DMD: variants seen among roughly 807,000 people sequenced by gnomAD.
DMD encodes mutant dystrophin.
DMD carries 63 observed loss-of-function variants against 330.1 expected under a neutral mutation model. That is an observed-to-expected ratio of 0.19 (90% CI 0.16 to 0.24). The LOEUF is 0.24. Among genes scored for constraint, DMD ranks in the 10% least tolerant of loss-of-function variants. The pLI is 1.00. For synonymous variants in DMD, 1,223 were observed against 959.8 expected (o/e 1.27, Z -5.07); for missense variants, 3,344 against 2,684.1 (o/e 1.25, Z -5.43).
chrX:31,897,454 G>A (rs1424653029), intron 47 of DMD, among the ~76,000 whole-genome samples: 1 of 99,653 alleles, frequency 1.0e-5, no homozygotes, highest in Non-Finnish European at 2.0e-5. Context: ...GGGATGGCTG[G>A]GTCAAATGGT....
chrX:33,074,961 T>C (rs148567835), intron 1 of DMD, among the ~76,000 whole-genome samples: 125 of 111,347 alleles, frequency 1.1e-3, no homozygotes, highest in African/African-American at 3.9e-3. Context: ...TCCCCAAAAC[T>C]CAACCGCGTT....
At chrX:32,439,900 T>G (rs1172457640) in intron 28 of DMD, among the ~76,000 whole-genome samples, 7 of 111,296 alleles carry the variant, frequency 6.3e-5, no homozygotes, top group Admixed American at 9.6e-5. Context: ...TTGTGGGCAT[T>G]GTGAGGGCCT....
chrX:32,687,825 A>C (rs2062991992), intron 9 of DMD, among the ~76,000 whole-genome samples: 1 of 111,384 alleles, frequency 9.0e-6, no homozygotes, highest in Non-Finnish European at 1.9e-5. Flanking sequence ...ACTGGTGAAC[A>C]AGGTAAGCAC....
At chrX:33,142,852 C>T (rs996669094) in intron 1 of DMD, among the ~76,000 whole-genome samples, 1 of 111,852 alleles carries the variant, frequency 8.9e-6, no homozygotes, top group Non-Finnish European at 1.9e-5. Context: ...AAAGCATAGG[C>T]TTTTATGTTT....
At chrX:32,463,291 G>T in intron 25 of DMD, 148 bp downstream of exon 25, 1 of 434,533 alleles carries the variant, frequency 2.3e-6, no homozygotes, top group Non-Finnish European at 3.7e-6. Flanking sequence ...AGATATGCTA[G>T]AAAAAAGATT....
At chrX:32,944,665 C>T (rs1454610827) in intron 2 of DMD, among the ~76,000 whole-genome samples, 4 of 105,967 alleles carry the variant, frequency 3.8e-5, no homozygotes, top group African/African-American at 1.1e-4. Flanking sequence ...AGTGCAGTGG[C>T]GAAATCTCAG....
intron 7 of DMD, among the ~76,000 whole-genome samples, chrX:32,736,233 T>G (rs2068461454): frequency 9.0e-6 from 1 of 111,365 alleles, no homozygotes; most frequent in Non-Finnish European, 1.9e-5. Context: ...CTCACACCAG[T>G]TAGAATGGCG....
intron 59 of DMD, among the ~76,000 whole-genome samples, chrX:31,451,201 TCTTC>T (rs778830672): frequency 2.8e-5 from 3 of 107,821 alleles, no homozygotes; most frequent in African/African-American, 1.0e-4. Flanking sequence ...TTTCTTTCTT[TCTTC>T]CTTTCTTTTT....
chrX:32,844,875 A>G lies in DMD; in HGVS notation c.187-15T>C. ...TTTTCTTTTGGCTGAGAACAAAACA[A>G]AAGAGTGTTCACTGACCAGCAGAGA... is the stretch of plus-strand genomic sequence containing the variant. On this transcript the variant is annotated splice_polypyrimidine_tract_variant and intron_variant, in intron 3 of 78. Transcript: ENST00000357033. 1 of 1,187,003 alleles carries G rather than the reference A, an allele frequency of 8.4e-7. No homozygotes were observed.
At chrX:32,708,483 G>T (rs2064889267) in intron 7 of DMD, among the ~76,000 whole-genome samples, 1 of 110,701 alleles carries the variant, frequency 9.0e-6, no homozygotes. Flanking sequence ...AAATAATTAG[G>T]GATGATGTTA....
At chrX:31,369,610 A>G (rs1445032382) in intron 60 of DMD, among the ~76,000 whole-genome samples, 1 of 111,493 alleles carries the variant, frequency 9.0e-6, no homozygotes, top group Non-Finnish European at 1.9e-5. Context: ...GTGGATTGGG[A>G]CAAAAGGAGG....
At chrX:31,266,159 CAAAAAAAAAAAAAA>C (rs1174153877) in intron 62 of DMD, among the ~76,000 whole-genome samples, 2 of 13,333 alleles carry the variant, frequency 1.5e-4, no homozygotes, top group Non-Finnish European at 2.4e-4. Flanking sequence ...TCCCGAAGGG[CAAAAAAAAAAAAAA>C]AAAAAAAAAA....
intron 17 of DMD, among the ~76,000 whole-genome samples, chrX:32,519,539 AG>A (rs1207352909): frequency 1.8e-5 from 2 of 111,609 alleles, no homozygotes; most frequent in African/African-American, 6.5e-5. Context: ...TAAAATAAAC[AG>A]GGAAGAATAA....
At chrX:31,642,452 G>C (rs781251828) in intron 54 of DMD, among the ~76,000 whole-genome samples, 3 of 111,911 alleles carry the variant, frequency 2.7e-5, no homozygotes, top group Non-Finnish European at 5.6e-5. Context: ...AACATTTGCT[G>C]TTTAGATGTT....
intron 30 of DMD, among the ~76,000 whole-genome samples, chrX:32,391,696 C>T (rs2098003810): frequency 9.0e-6 from 1 of 111,494 alleles, no homozygotes. Flanking sequence ...AGTAGGGATC[C>T]ATCTAGGTGC....
Position 32,628,258 on chromosome X carries a change from A to ATTTTTTTTTTTTTTTTT in DMD, c.1332-13822_1332-13806dup. ...TATCTCCATGAGTTCAGTTGTTTTA[A>ATTTTTTTTTTTTTTTTT]TTTTTTTTTTTTTTTTTTTTTTTTT... On this transcript the variant is annotated intron_variant, in intron 11 of 78. Transcript: ENST00000357033. 1.2e-3 allele frequency among the ~76,000 whole-genome samples: 19 copies of ATTTTTTTTTTTTTTTTT among 15,354 alleles called. 7 individuals carry two copies. The highest frequency in any genetic ancestry group is 1.7e-3 in the African/African-American group (7 of 4,099). 13.3% of individuals were successfully genotyped at this position (15,354 alleles called of 115,157 possible). A position where few individuals can be genotyped will look rare whatever the true frequency, so the allele number is the denominator to read the frequency against.
chrX:33,322,150 G>A (rs1810869461), intron 1 of DMD, among the ~76,000 whole-genome samples: 1 of 111,228 alleles, frequency 9.0e-6, no homozygotes, highest in Non-Finnish European at 1.9e-5. Context: ...TTTTTCCTTT[G>A]CATTCACACC....
chrX:32,407,197 A>C (rs989477294), intron 30 of DMD, among the ~76,000 whole-genome samples: 26 of 111,471 alleles, frequency 2.3e-4, no homozygotes, highest in South Asian at 7.6e-4. Context: ...CAACCTACAG[A>C]ATGGGAGAAG....
At chrX:32,618,514 T>C (rs998704008) in intron 11 of DMD, among the ~76,000 whole-genome samples, 1 of 110,367 alleles carries the variant, frequency 9.1e-6, no homozygotes, top group African/African-American at 3.3e-5. Context: ...CTATTGGAGT[T>C]TGGAGGGTGG....
Sources: allele counts gnomAD v4.1 joint callset (sites outside exome capture counted in the v4.1 genomes callset), GRCh38; gene constraint gnomAD v4.1.1; transcripts MANE v1.5; gene names NCBI Gene and HGNC (gene_info 2026-07-23, HGNC 2026-07-21).